RSPH10B: variants seen among roughly 807,000 people sequenced by gnomAD.
RSPH10B encodes radial spoke head 10 homolog B (Chlamydomonas).
A neutral mutation model predicts 52.5 loss-of-function variants in RSPH10B; 7 were observed. The ratio of observed to expected loss-of-function variants is 0.13; its 90% CI spans 0.08 to 0.25. RSPH10B has a LOEUF of 0.25. RSPH10B is among the 10% of genes least tolerant of loss of function. RSPH10B has a pLI of 1.00. For synonymous variants in RSPH10B, 28 were observed against 193.2 expected (o/e 0.14, Z 7.09); for missense variants, 89 against 542.5 (o/e 0.16, Z 8.30).
At chr7:5,928,589 T>G (rs1583207228) in intron 17 of RSPH10B, among the ~76,000 whole-genome samples, 195 bp from the exon 20 acceptor site, 1 of 150,526 alleles carries the variant, frequency 6.6e-6, no homozygotes, top group African/African-American at 2.5e-5. Context: ...GCTGGGATTG[T>G]CAGCCTTCCC....
intron 6 of RSPH10B, among the ~76,000 whole-genome samples, chr7:5,956,715 C>A (rs1274955235): frequency 6.7e-6 from 1 of 149,332 alleles, no homozygotes; most frequent in African/African-American, 2.4e-5. Flanking sequence ...ACTACAGGCA[C>A]CAGCAACCAC....
At position 5,941,597 on chromosome 7, in the gene RSPH10B, A is replaced by G. The variant is rs1241340119; in HGVS notation, c.1758+1727T>C. ...GTCTCTACTAAAAAATACAAAAATT[A>G]ACTTGGCATGGTCATGCACGCCTTT... On this transcript the variant is annotated intron_variant, in intron 13 of 18. Coordinates refer to ENST00000337579, the Ensembl canonical transcript of RSPH10B. 8.1e-5 allele frequency among the ~76,000 whole-genome samples: 12 copies of G among 148,596 alleles called. 1 individual carries two copies. The highest frequency in any genetic ancestry group is 1.5e-4 in the Non-Finnish European group (10 of 66,582).
intron 13 of RSPH10B, 172 bp downstream of exon 15, chr7:5,943,152 G>T (rs183483503): frequency 3.6e-6 from 5 of 1,395,524 alleles, no homozygotes; most frequent in South Asian, 2.8e-5. Context: ...TTCCTTCCAC[G>T]ACCACAGACC....
At chr7:5,957,575 C>A (rs1040943635) in intron 6 of RSPH10B, among the ~76,000 whole-genome samples, 1 of 41,668 alleles carries the variant, frequency 2.4e-5, no homozygotes, top group African/African-American at 1.2e-4. Flanking sequence ...CACTTGAGGT[C>A]CGGAGTTCGA....
chr7:5,933,477 C>T (rs1258725337), intron 16 of RSPH10B, among the ~76,000 whole-genome samples: 1 of 136,176 alleles, frequency 7.3e-6, no homozygotes, highest in African/African-American at 2.5e-5. Context: ...TTAACGATAC[C>T]GGCTAGGCGT....
In RSPH10B at chr7:5,947,888, G is replaced by GTC. The variant is rs1338164316; in HGVS notation, c.1414+331_1414+332insGA. 9.3e-4 allele frequency among the ~76,000 whole-genome samples: 94 copies of GTC among 100,572 alleles called. 5 individuals carry two copies. In the East Asian group the frequency reaches 0.015, roughly 16 times the overall value. 66.0% of individuals were successfully genotyped at this position (100,572 alleles called of 152,430 possible). Reference sequence around the variant, plus strand: ...TGTGTGTGTGTGTGTGTGTGTGTGTGTGTGATGGAGTCTCGCCCTGTCACC... The same window carrying GTC: ...TGTGTGTGTGTGTGTGTGTGTGTGTGTCTGTGATGGAGTCTCGCCCTGTCACC... On this transcript the variant is annotated intron_variant, in intron 10 of 18. Coordinates refer to ENST00000337579, the Ensembl canonical transcript of RSPH10B.
intron 9 of RSPH10B, among the ~76,000 whole-genome samples, chr7:5,950,316 A>C: frequency 2.6e-5 from 4 of 151,996 alleles, no homozygotes. Context: ...CACGCCTGTA[A>C]TCCCAGCACT....
chr7:5,968,656 A>AGCTG (rs1781191403), upstream of RSPH10B, among the ~76,000 whole-genome samples: 5 of 63,918 alleles, frequency 7.8e-5, no homozygotes, highest in East Asian at 2.3e-3. Flanking sequence ...ACAGGCGCCC[A>AGCTG]CCACCACACC....
In RSPH10B at chr7:5,942,730, C is replaced by T. The variant is rs532680075; in HGVS notation, c.1758+594G>A. Among the ~76,000 whole-genome samples, 703 of 150,570 alleles carry T rather than the reference C, an allele frequency of 4.7e-3. 5 individuals carry two copies. The highest frequency in any genetic ancestry group is 0.014 in the African/African-American group (562 of 40,708). ...TACAAAAATTAGCCAGGTGTGGTGG[C>T]GGGCACCTGTAATCCCAGCTACTCT... On this transcript the variant is annotated intron_variant, in intron 13 of 18. Coordinates refer to ENST00000337579, the Ensembl canonical transcript of RSPH10B.
In RSPH10B at chr7:5,938,046, GAC is replaced by G. The variant is rs1054391488; in HGVS notation, c.1867-147_1867-146del. The G allele has an allele frequency of 3.4e-5, 26 of 765,050 alleles. 3 individuals carry two copies. Among genetic ancestry groups the G allele is most frequent in the East Asian group, 7.3e-5 (3 of 41,046 alleles). 47.4% of individuals were successfully genotyped at this position (765,050 alleles called of 1,614,324 possible). A position where few individuals can be genotyped will look rare whatever the true frequency, so the allele number is the denominator to read the frequency against. On this transcript the variant is annotated intron_variant, in intron 14 of 18. Transcript: ENST00000337579. ...ACAGACATGCAGACACGTGCACAAA[GAC>G]ACACACACATGCACACACACGCACA...
intron 11 of RSPH10B, 118 bp downstream of exon 13, chr7:5,944,946 G>A (rs1313853340): frequency 1.0e-5 from 6 of 593,220 alleles, no homozygotes; most frequent in Non-Finnish European, 1.8e-5. Context: ...CTGGGCGACA[G>A]AGCAAGACTC....
intron 13 of RSPH10B, among the ~76,000 whole-genome samples, chr7:5,941,253 G>A (rs988045727): frequency 2.8e-5 from 4 of 143,924 alleles, no homozygotes; most frequent in Admixed American, 1.4e-4. Context: ...AGGAAGCCAA[G>A]ATTGCACCAC....
intron 11 of RSPH10B, among the ~76,000 whole-genome samples, chr7:5,944,746 G>A (rs1228061560): frequency 2.7e-5 from 4 of 146,734 alleles, no homozygotes; most frequent in African/African-American, 5.2e-5. Context: ...ATCACCTGAG[G>A]TCAGGAGTTT....
chr7:5,927,082 G>GTATATATA (rs1562553449), intron 18 of RSPH10B, among the ~76,000 whole-genome samples: 5 of 123,820 alleles, frequency 4.0e-5, no homozygotes, highest in Admixed American at 8.0e-5. Context: ...GTGTGTGTGT[G>GTATATATA]TGTGTGTGTG....
chr7:5,939,585 A>ACAC (rs1780082491), intron 13 of RSPH10B, among the ~76,000 whole-genome samples: 1 of 36,224 alleles, frequency 2.8e-5, no homozygotes, highest in Non-Finnish European at 4.8e-5. Flanking sequence ...ACCTGTCTCA[A>ACAC]ACACACACAC....
intron 13 of RSPH10B, among the ~76,000 whole-genome samples, chr7:5,940,945 T>C (rs200031388): frequency 3.3e-5 from 2 of 60,018 alleles, no homozygotes; most frequent in Non-Finnish European, 7.0e-5. Context: ...TAATAATAAT[T>C]ATTATTATTA....
rs1490202426 is a variant in RSPH10B, at chr7:5,942,087, G to A, written c.1758+1237C>T. On this transcript the variant is annotated intron_variant, in intron 13 of 18. Coordinates refer to ENST00000337579, the Ensembl canonical transcript of RSPH10B. ...TTTTTGTATTTTTAGTCGAAAGGGG[G>A]TTTCACAGCATTGGCCAGGCTGGTC... Among the ~76,000 whole-genome samples the A allele has an allele frequency of 4.0e-5, 6 of 148,762 alleles. No homozygotes were observed. In the East Asian group the frequency reaches 1.2e-3, roughly 29 times the overall value.
At chr7:5,948,308 C>A (rs1780508798) in exon 10 of RSPH10B, 1 of 23,942 alleles carries the variant, frequency 4.2e-5, no homozygotes, top group Non-Finnish European at 8.6e-5. Context: ...GAAGCTTTGT[C>A]ATCAGAAAGG....
intron 17 of RSPH10B, among the ~76,000 whole-genome samples, chr7:5,929,324 C>T (rs1361061359): frequency 1.5e-5 from 2 of 133,430 alleles, no homozygotes; most frequent in East Asian, 5.7e-4. Flanking sequence ...GGACCACAGG[C>T]GGGTGCCACC....
Sources: gnomAD v4.1 joint callset for allele counts (sites outside exome capture counted in the v4.1 genomes callset) on GRCh38, gnomAD v4.1.1 for gene constraint, MANE v1.5 for transcripts, NCBI Gene and HGNC (gene_info 2026-07-23, HGNC 2026-07-21) for gene names.